Variants in ECT2 observed in about 807,000 individuals in gnomAD.
ECT2 encodes the protein epithelial cell transforming 2, also known as protein ECT2.
ECT2 carries 61 observed loss-of-function variants against 116.9 expected under a neutral mutation model. The ratio of observed to expected loss-of-function variants is 0.52; its 90% CI spans 0.42 to 0.65. The LOEUF is 0.65. Ranked by LOEUF, ECT2 falls within the 30% of genes least tolerant of loss-of-function variation. The pLI, the probability that ECT2 is intolerant of heterozygous loss-of-function variation, is 0.00. For missense variants in ECT2, 937 were observed against 1,078.7 expected, an observed-to-expected ratio of 0.87 and a Z score of 1.84; for synonymous variants, 358 against 346.4, an observed-to-expected ratio of 1.03 and a Z score of -0.37.
chr3:172,764,608 T>C, intron 12 of ECT2, 108 bp downstream of exon 12: 1 of 997,834 alleles, frequency 1.0e-6, no homozygotes, highest in Non-Finnish European at 1.5e-6. Flanking sequence ...TTGCCTTTAA[T>C]TACCTTTGTT....
intron 8 of ECT2, among the ~76,000 whole-genome samples, chr3:172,762,032 G>A (rs1409816265): frequency 6.6e-6 from 1 of 151,898 alleles, no homozygotes; most frequent in African/African-American, 2.4e-5. Flanking sequence ...GAAATTTATT[G>A]CCTTGTTTTG....
chr3:172,784,367 AT>A (rs1180465251), intron 16 of ECT2, among the ~76,000 whole-genome samples: 1 of 151,868 alleles, frequency 6.6e-6, no homozygotes, highest in South Asian at 2.1e-4. Flanking sequence ...GCTTTTAATG[AT>A]TTTTTTTCTT....
chr3:172,793,380 G>A (rs1725026705), intron 18 of ECT2, among the ~76,000 whole-genome samples: 1 of 151,988 alleles, frequency 6.6e-6, no homozygotes. Context: ...GGCCAAGTTG[G>A]CCTCGATCTC....
chr3:172,771,521 G>T (rs866728756), intron 13 of ECT2: 14 of 152,206 alleles, frequency 9.2e-5, no homozygotes, highest in African/African-American at 3.4e-4. Context: ...AATAGCAAGG[G>T]TGTAGTAGGC....
chr3:172,769,225 G>GA, intron 13 of ECT2, 82 bp downstream of exon 13: 1 of 1,298,734 alleles, frequency 7.7e-7, no homozygotes, highest in Non-Finnish European at 1.0e-6. Context: ...TTTCTTACGA[G>GA]AAAATTATAT....
Position 172,805,816 on chromosome 3 carries a change from A to G in ECT2, c.2192A>G (p.His731Arg), listed in dbSNP as rs201888408. The G allele has an allele frequency of 2.4e-4, 383 of 1,613,742 alleles. 3 individuals are homozygous for G. The South Asian group carries it at 4.1e-3, about 17-fold the overall frequency. ...CCCCCAGCTTCTCTTAAGCATATTC[A>G]CCTAATGCCTCTTTCTCAGATTAAG... is the stretch of plus-strand genomic sequence containing the variant. ...TRPPASLKHI[H>R]LMPLSQIKKV... The change falls in exon 21 of 25, where the codon CAC (histidine) becomes CGC (arginine). Residue 731 changes from histidine (H) to arginine (R), a missense_variant. Physicochemically the swap from His to Arg is conservative, Grantham distance 29. Coordinates refer to ENST00000392692, the MANE Select transcript of ECT2 (RefSeq NM_001258315.2).
At chr3:172,815,099 C>T (rs978766991) in intron 22 of ECT2, among the ~76,000 whole-genome samples, 4 of 152,258 alleles carry the variant, frequency 2.6e-5, no homozygotes, top group East Asian at 1.9e-4. Context: ...GCCCTTTGCA[C>T]GTGTATACAC....
At chr3:172,828,334 C>CTGTG in the ECT2 span, among the ~76,000 whole-genome samples, 29 of 150,262 alleles carry the variant, frequency 1.9e-4, no homozygotes, top group African/African-American at 6.4e-4. Flanking sequence ...TACCAACAGG[C>CTGTG]TGTGTGTGTG....
At chr3:172,754,031 AGGG>A (rs1335778337) in intron 1 of ECT2, among the ~76,000 whole-genome samples, 1 of 152,106 alleles carries the variant, frequency 6.6e-6, no homozygotes, top group Non-Finnish European at 1.5e-5. Context: ...CGTATAGAGA[AGGG>A]GGGCCAGATT....
intron 18 of ECT2, among the ~76,000 whole-genome samples, 176 bp from the exon 19 acceptor site, chr3:172,802,440 C>T (rs931909304): frequency 3.3e-5 from 5 of 152,112 alleles, no homozygotes; most frequent in Admixed American, 2.0e-4. Flanking sequence ...TTTCCTCATC[C>T]TGGGCTCCAT....
rs983784461 is a variant in ECT2, at chr3:172,802,066, A to G, written c.1908-550A>G. Among the ~76,000 whole-genome samples the G allele has an allele frequency of 5.3e-5, 8 of 152,110 alleles. No individual in the cohort carries two copies. In the East Asian group the frequency reaches 7.7e-4, roughly 15 times the overall value. Reference sequence around the variant, plus strand: ...GAATATAGAAAGGAATAATAGTAAAACATACTTTTCTGAAGGAGTCTATGG... The same window carrying G: ...GAATATAGAAAGGAATAATAGTAAAGCATACTTTTCTGAAGGAGTCTATGG... On this transcript the variant is annotated intron_variant, in intron 18 of 24. Transcript: ENST00000392692.
At chr3:172,771,290 A>G (rs1259078727) in intron 13 of ECT2, 1 of 152,220 alleles carries the variant, frequency 6.6e-6, no homozygotes, top group Non-Finnish European at 1.5e-5. Flanking sequence ...TATCACCAGC[A>G]TTTATAAAAA....
At chr3:172,819,434 A>G (rs1217540636) in intron 24 of ECT2, among the ~76,000 whole-genome samples, 2 of 152,144 alleles carry the variant, frequency 1.3e-5, no homozygotes, top group Non-Finnish European at 2.9e-5. Flanking sequence ...TGTAAAACTT[A>G]GCAATTTAAT....
At chr3:172,753,601 G>A (rs1310507691) in intron 1 of ECT2, among the ~76,000 whole-genome samples, 1 of 152,220 alleles carries the variant, frequency 6.6e-6, no homozygotes, top group Non-Finnish European at 1.5e-5. Flanking sequence ...CAATTATACC[G>A]GAGAGGTTTA....
chr3:172,815,617 A>T lies in ECT2; in HGVS notation c.2414A>T (p.Tyr805Phe). 1 of 1,583,720 alleles carries T rather than the reference A, an allele frequency of 6.3e-7. No homozygotes were observed. Among genetic ancestry groups the T allele is most frequent in the East Asian group, 2.3e-5 (1 of 44,430 alleles). Reference sequence around the variant, plus strand: ...ATTTTTCAATAGGAGAATCTTATTTATACTGCTGATCCAGAATCCTTTGAA... The same window carrying T: ...ATTTTTCAATAGGAGAATCTTATTTTTACTGCTGATCCAGAATCCTTTGAA... ...ICKADAENLI[Y>F]TADPESFEVN... The change falls in exon 23 of 25, where the codon TAT (tyrosine) becomes TTT (phenylalanine). Residue 805 changes from tyrosine (Y) to phenylalanine (F), a missense_variant. By Grantham distance (22) the Tyr-to-Phe change is conservative. Transcript: ENST00000392692.
intron 17 of ECT2, among the ~76,000 whole-genome samples, chr3:172,786,073 CT>C (rs1367062898): frequency 5.9e-4 from 90 of 152,100 alleles, no homozygotes; most frequent in African/African-American, 2.1e-3. Context: ...GTATAAATCT[CT>C]AAGGTAACAA....
chr3:172,806,232 C>T (rs887343137), intron 21 of ECT2: 4 of 162,936 alleles, frequency 2.5e-5, no homozygotes, highest in South Asian at 3.4e-4. Flanking sequence ...CTGCACCCCT[C>T]ATCTTAACAC....
intron 14 of ECT2, among the ~76,000 whole-genome samples, chr3:172,781,267 G>A (rs1467190314): frequency 1.3e-5 from 2 of 152,150 alleles, no homozygotes; most frequent in Non-Finnish European, 2.9e-5. Context: ...TGGCTTAATA[G>A]AAGACTGATT....
At chr3:172,795,883 T>TA (rs1175722326) in intron 18 of ECT2, among the ~76,000 whole-genome samples, 5 of 152,188 alleles carry the variant, frequency 3.3e-5, no homozygotes, top group Admixed American at 3.3e-4. Context: ...ATAAAAAGAC[T>TA]AAATATACTT....
Sources: gnomAD v4.1 joint callset for allele counts (sites outside exome capture counted in the v4.1 genomes callset) on GRCh38, gnomAD v4.1.1 for gene constraint, MANE v1.5 for transcripts, NCBI Gene and HGNC (gene_info 2026-07-23, HGNC 2026-07-21) for gene names.